The following CHERP variants were observed in gnomAD, a reference collection of about 807,000 sequenced individuals.
CHERP encodes calcium homeostasis endoplasmic reticulum protein, also known as ERPROT 213-21.
In CHERP, 8 loss-of-function variants were observed where a neutral mutation model predicts 113.8. The observed-to-expected ratio is 0.07, with a 90% CI of 0.04 to 0.13. CHERP has a LOEUF of 0.13. CHERP is among the 10% of genes least tolerant of loss of function. The pLI is 1.00. For missense variants in CHERP, 884 were observed against 1,298.2 expected, an observed-to-expected ratio of 0.68 and a Z score of 4.90; for synonymous variants, 559 against 524.5, an observed-to-expected ratio of 1.07 and a Z score of -0.90.
intron 2 of CHERP, among the ~76,000 whole-genome samples, chr19:16,536,157 C>G (rs1214726302): frequency 6.6e-6 from 1 of 152,260 alleles, no homozygotes; most frequent in African/African-American, 2.4e-5. Flanking sequence ...CGGCCTCCCC[C>G]ACACCTGCCT....
chr19:16,539,063 T>A (rs927539078), intron 2 of CHERP, among the ~76,000 whole-genome samples: 1 of 151,918 alleles, frequency 6.6e-6, no homozygotes, highest in African/African-American at 2.4e-5. Flanking sequence ...CCCTGTAGCT[T>A]GTCCTACACC....
rs1368437887 is a variant in CHERP at position 16,525,005 on chromosome 19, C to T, written c.1741+237G>A. Among the ~76,000 whole-genome samples the T allele has an allele frequency of 6.6e-6, 1 of 152,202 alleles. No homozygotes were observed. The highest frequency in any genetic ancestry group is 2.4e-5 in the African/African-American group (1 of 41,456). On this transcript the variant is annotated intron_variant, in intron 10 of 16. Transcript: ENST00000546361. The surrounding 1 kb of genome is among the most constrained non-coding windows in gnomAD (Gnocchi z 6.5). ...CGCCACGCCCACCCACGGCAGGAAC[C>T]TTTTCCTACTGGCTCTGCCTCATCT...
At chr19:16,521,187 TGAC>T (rs2122243686) in intron 12 of CHERP, 1 of 582,288 alleles carries the variant, frequency 1.7e-6, no homozygotes, top group East Asian at 2.9e-5. Context: ...ACAGGAACAC[TGAC>T]TCATGGGTGG....
At chr19:16,521,131 C>T (rs1387928040) in intron 12 of CHERP, 6 of 601,226 alleles carry the variant, frequency 1.0e-5, no homozygotes, top group African/African-American at 5.6e-5. Context: ...TGCCACCCTG[C>T]TGTTCCGCTG....
At chr19:16,527,497 G>A (rs1599749465) in intron 9 of CHERP, among the ~76,000 whole-genome samples, 1 of 152,198 alleles carries the variant, frequency 6.6e-6, no homozygotes, top group Admixed American at 6.5e-5. Context: ...CCACGGGCAA[G>A]GGGGAAAGTC....
chr19:16,530,462 C>A lies in CHERP; in HGVS notation c.876+123G>T. On this transcript the variant is annotated intron_variant, in intron 7 of 16. Transcript: ENST00000546361. This position sits in a 1 kb window ranked among gnomAD's most constrained non-coding sequence, Gnocchi z 4.1. The stretch of plus-strand genomic sequence containing the variant: ...GTCAACACACACTGGCTACTCCTAG[C>A]ACAGGCAGGGGACATGGGCTCTCTG... 4.6e-6 allele frequency: 4 copies of A among 866,418 alleles called. No homozygotes were observed. Among genetic ancestry groups the A allele is most frequent in the Non-Finnish European group, 7.6e-6 (4 of 525,030 alleles). The allele number at this position is 866,418 out of a possible 1,614,324, so 53.7% of individuals were successfully genotyped here.
intron 5 of CHERP, 132 bp from the exon 6 acceptor site, chr19:16,531,012 T>C: frequency 7.0e-7 from 1 of 1,419,220 alleles, no homozygotes; most frequent in South Asian, 1.4e-5. Context: ...GTCAGGGCGA[T>C]GGCTGGGCTC....
chr19:16,541,892 C>G lies in CHERP; in HGVS notation c.177G>C (p.Lys59Asn), dbSNP rs1192580165. 3.7e-6 allele frequency: 6 copies of G among 1,613,126 alleles called. No individual in the cohort carries two copies. Among genetic ancestry groups the G allele is most frequent in the African/African-American group, 1.3e-5 (1 of 74,996 alleles). Residue 59 changes from lysine to asparagine, a missense_variant, in exon 2 of 17, where the codon AAG (lysine) becomes AAC (asparagine). By Grantham distance (94) the Lys-to-Asn change is moderately conservative (BLOSUM62 0). This residue lies in a region of CHERP where 109 missense variants were observed against 134.2 expected (regional missense o/e 0.81). Coordinates refer to ENST00000546361, the MANE Select transcript of CHERP (RefSeq NM_006387.6). ...CACGCTGCTGCTGCTCCAGCGCCAG[C>G]TTGCACTTGTAGTAACTGTAGAATT... is the stretch of plus-strand genomic sequence containing the variant. Reference protein sequence around the residue: ...GGEFYSYYKCKLALEQQQLIC... With the variant: ...GGEFYSYYKCNLALEQQQLIC...
At position 16,520,617 on chromosome 19, in the gene CHERP, T is replaced by C. The variant is rs936804084; in HGVS notation, c.2202-110A>G. On this transcript the variant is annotated intron_variant, in intron 13 of 16. Transcript: ENST00000546361. This position sits in a 1 kb window ranked among gnomAD's most constrained non-coding sequence, Gnocchi z 4.0. ...CAGATGCAGGGGCTCTGGCTGTGGA[T>C]GTGGCGCCATAGCCACAGCAACGGT... 11 of 1,325,152 alleles carry C rather than the reference T, an allele frequency of 8.3e-6. No homozygotes were observed. Among genetic ancestry groups the C allele is most frequent in the Admixed American group, 5.9e-5 (3 of 51,096 alleles). The allele number at this position is 1,325,152 out of a possible 1,614,324, so 82.1% of individuals were successfully genotyped here.
In CHERP at chr19:16,519,480, T is replaced by G; in HGVS notation, c.2558-128A>C. ...GTAGAGAGAACCCGCAGGCCGGCCC[T>G]GTCTAGAGGGTCTGGGTGGAGTCAG... On this transcript the variant is annotated intron_variant, in intron 16 of 16. Coordinates refer to ENST00000546361, the MANE Select transcript of CHERP (RefSeq NM_006387.6). The surrounding 1 kb of genome is among the most constrained non-coding windows in gnomAD (Gnocchi z 6.0). 8.0e-7 allele frequency: 1 copy of G among 1,251,884 alleles called. No homozygotes were observed. Among genetic ancestry groups the G allele is most frequent in the Non-Finnish European group, 1.1e-6 (1 of 879,166 alleles). The allele number at this position is 1,251,884 out of a possible 1,614,324, so 77.5% of individuals were successfully genotyped here. A position where few individuals can be genotyped will look rare whatever the true frequency, so the allele number is the denominator to read the frequency against.
rs987852836 is a variant in CHERP, at chr19:16,519,092, G to T, written c.*67C>A. On this transcript the variant is annotated 3_prime_UTR_variant, in exon 17 of 17. Transcript: ENST00000546361. The surrounding 1 kb of genome is among the most constrained non-coding windows in gnomAD (Gnocchi z 6.0). ...TGAGCTGTCACTGCAATCTTCCTCT[G>T]CCAGTCAGCCAGGAAGGTCCCACAG... 9 of 1,407,174 alleles carry T rather than the reference G, an allele frequency of 6.4e-6. No individual in the cohort carries two copies. In the Admixed American group the frequency reaches 1.5e-4, roughly 23 times the overall value. The allele number at this position is 1,407,174 out of a possible 1,614,324, so 87.2% of individuals were successfully genotyped here.
At chr19:16,527,324 A>G (rs766185331) in intron 9 of CHERP, among the ~76,000 whole-genome samples, 2 of 152,200 alleles carry the variant, frequency 1.3e-5, no homozygotes, top group Non-Finnish European at 2.9e-5. Flanking sequence ...GGGGGTGTCC[A>G]ATCTTTTGTG....
rs772925251 is a variant in CHERP at position 16,535,550 on chromosome 19, T to C, written c.286A>G (p.Ile96Val). ...GATGGCGCGCCCTGGGCCGGCGGGA[T>C]GGGCGCGGCGGGGGCCAGCGGGGGC... ...PQPPLAPAAPIPPAQGAPSMD... is the reference protein window; with the variant it reads ...PQPPLAPAAPVPPAQGAPSMD... The change falls in exon 3 of 17, where the codon ATC becomes GTC. Residue 96 changes from isoleucine to valine, a missense_variant. Physicochemically the swap from Ile to Val is conservative, Grantham distance 29. Around this residue, in one of 8 missense-constraint regions of CHERP, gnomAD observed 109 missense variants for 134.2 expected, o/e 0.81. Transcript: ENST00000546361. The surrounding 1 kb of genome is among the most constrained non-coding windows in gnomAD (Gnocchi z 4.3). The C allele has an allele frequency of 1.3e-6, 2 of 1,588,024 alleles. No individual in the cohort carries two copies. The highest frequency in any genetic ancestry group is 1.7e-4 in the Middle Eastern group (1 of 5,950).
In CHERP at chr19:16,523,345, A is replaced by AC; in HGVS notation, c.1742-56dup. ...CAGGCCAGTCAGGATCTCCCAGGCG[A>AC]CAAGTGCTGGAGGGGAGGGGCTCAG... On this transcript the variant is annotated intron_variant, in intron 10 of 16. Transcript: ENST00000546361. This position sits in a 1 kb window ranked among gnomAD's most constrained non-coding sequence, Gnocchi z 4.0. 1 of 1,596,728 alleles carries AC rather than the reference A, an allele frequency of 6.3e-7. No individual in the cohort carries two copies. The highest frequency in any genetic ancestry group is 8.5e-7 in the Non-Finnish European group (1 of 1,173,806).
chr19:16,519,661 G>A lies in CHERP; in HGVS notation c.2517C>T (p.Leu839=), dbSNP rs746781834. ...NSAPPIPDSR[L]GEENKGHQML... Reference sequence around the variant, plus strand: ...TCTGATGGCCTTTGTTCTCTTCTCCGAGCCTTGAGTCAGGGATGGGAGGCG... The same window carrying A: ...TCTGATGGCCTTTGTTCTCTTCTCCAAGCCTTGAGTCAGGGATGGGAGGCG... The change falls in exon 16 of 17, where the codon CTC becomes CTT. Residue 839 remains leucine (L), a synonymous_variant. Transcript: ENST00000546361. The surrounding 1 kb of genome is among the most constrained non-coding windows in gnomAD (Gnocchi z 6.0). 17 of 1,613,930 alleles carry A rather than the reference G, an allele frequency of 1.1e-5. No homozygotes were observed. The African/African-American group carries it at 1.6e-4, about 15-fold the overall frequency.
chr19:16,528,896 T>C (rs1041036705), intron 8 of CHERP, among the ~76,000 whole-genome samples: 1 of 152,176 alleles, frequency 6.6e-6, no homozygotes, highest in African/African-American at 2.4e-5. Flanking sequence ...GAGCTTGCAG[T>C]GAGCTGAGAT....
At chr19:16,524,576 A>G (rs1327380091) in intron 10 of CHERP, among the ~76,000 whole-genome samples, 1 of 150,772 alleles carries the variant, frequency 6.6e-6, no homozygotes, top group Non-Finnish European at 1.5e-5. Flanking sequence ...AAAAGTACTA[A>G]AAGATTAGAA....
intron 8 of CHERP, among the ~76,000 whole-genome samples, chr19:16,529,308 A>AT (rs1353919841): frequency 6.6e-6 from 1 of 152,222 alleles, no homozygotes; most frequent in East Asian, 1.9e-4. Flanking sequence ...GTAAGCCACC[A>AT]TGCCTAGCCA....
At chr19:16,539,302 C>T (rs1297232924) in intron 2 of CHERP, among the ~76,000 whole-genome samples, 9 of 152,064 alleles carry the variant, frequency 5.9e-5, no homozygotes, top group African/African-American at 1.9e-4. Flanking sequence ...CGCCCGCTAC[C>T]ACGCCTGGCT....
Sources: gnomAD v4.1 joint callset for allele counts (sites outside exome capture counted in the v4.1 genomes callset) on GRCh38, gnomAD v4.1.1 for gene constraint, gnomAD v4.1.1 regional missense constraint, Gnocchi (gnomAD v3.1) non-coding constraint, MANE v1.5 for transcripts, NCBI Gene and HGNC (gene_info 2026-07-23, HGNC 2026-07-21) for gene names.